OR14I1: variants seen among roughly 807,000 people sequenced by gnomAD.
The protein encoded by OR14I1 is olfactory receptor family 14 subfamily I member 1.
For synonymous variants in OR14I1, 118 were observed against 71.1 expected, an observed-to-expected ratio of 1.66 and a Z score of -3.32; for missense variants, 279 against 181.8, an observed-to-expected ratio of 1.53 and a Z score of -3.07.
the OR14I1 span, among the ~76,000 whole-genome samples, chr1:248,700,241 A>G: frequency 5.6e-3 from 858 of 152,300 alleles, 10 homozygotes; most frequent in African/African-American, 0.019. Context: ...TTCAGCTACT[A>G]TTTTTTAAAA....
the OR14I1 span, among the ~76,000 whole-genome samples, chr1:248,688,031 TG>T: frequency 6.6e-6 from 1 of 152,278 alleles, no homozygotes; most frequent in African/African-American, 2.4e-5. Context: ...AGATCATTAA[TG>T]TTTTTTTATT....
upstream of OR14I1, among the ~76,000 whole-genome samples, chr1:248,685,815 G>A (rs1417939036): frequency 1.3e-5 from 2 of 150,736 alleles, no homozygotes; most frequent in Non-Finnish European, 3.0e-5. Context: ...CATATAGTGT[G>A]TATATATAGT....
upstream of OR14I1, chr1:248,682,402 C>T (rs1199633213): frequency 5.0e-6 from 3 of 605,878 alleles, no homozygotes; most frequent in East Asian, 8.1e-5. Context: ...TAATATCCTC[C>T]TAAATTAAAT....
chr1:248,700,899 C>T, the OR14I1 span, among the ~76,000 whole-genome samples: 1 of 152,198 alleles, frequency 6.6e-6, no homozygotes, highest in African/African-American at 2.4e-5. Context: ...AAAATTTTTA[C>T]AAAGATTTAC....
chr1:248,686,370 T>A (rs937240014), upstream of OR14I1, among the ~76,000 whole-genome samples: 3 of 152,190 alleles, frequency 2.0e-5, no homozygotes, highest in African/African-American at 7.2e-5. Flanking sequence ...ATATGAAGCC[T>A]TTTTACTTCA....
the OR14I1 span, among the ~76,000 whole-genome samples, chr1:248,689,648 T>C: frequency 6.6e-6 from 1 of 152,138 alleles, no homozygotes; most frequent in African/African-American, 2.4e-5. Context: ...CACCAAATAG[T>C]TAAAAGAAAA....
chr1:248,681,528 T>A (rs1437273982), exon 1 of OR14I1: 1 of 780,882 alleles, frequency 1.3e-6, no homozygotes, highest in African/African-American at 1.7e-5. Flanking sequence ...TTGCAATTGG[T>A]CCTAAGGCAG....
the OR14I1 span, among the ~76,000 whole-genome samples, chr1:248,689,633 T>C: frequency 6.6e-6 from 1 of 152,066 alleles, no homozygotes; most frequent in Non-Finnish European, 1.5e-5. Flanking sequence ...AAATCTTACT[T>C]CTAACACCAA....
chr1:248,690,312 A>T, the OR14I1 span, among the ~76,000 whole-genome samples: 2 of 152,158 alleles, frequency 1.3e-5, no homozygotes, highest in Non-Finnish European at 2.9e-5. Flanking sequence ...AAAGACTAAC[A>T]AAATAGATAG....
the OR14I1 span, chr1:248,692,648 G>A: frequency 6.6e-6 from 1 of 152,424 alleles, no homozygotes; most frequent in African/African-American, 2.4e-5. Context: ...CACGGCTCCT[G>A]CCCTCATAAT....
chr1:248,698,055 G>T, the OR14I1 span, among the ~76,000 whole-genome samples: 2 of 152,180 alleles, frequency 1.3e-5, no homozygotes, highest in African/African-American at 4.8e-5. Flanking sequence ...GTGAGGGTTG[G>T]GTTGTTTCCA....
chr1:248,685,304 T>C (rs754385525), upstream of OR14I1, among the ~76,000 whole-genome samples: 5 of 152,208 alleles, frequency 3.3e-5, no homozygotes, highest in Non-Finnish European at 7.3e-5. Context: ...CAGAGTAACT[T>C]TTAAAACTGG....
chr1:248,695,675 T>C, the OR14I1 span, among the ~76,000 whole-genome samples: 2 of 152,154 alleles, frequency 1.3e-5, no homozygotes, highest in African/African-American at 4.8e-5. Flanking sequence ...CTGCTTCTCC[T>C]TCTCTTCATG....
the OR14I1 span, among the ~76,000 whole-genome samples, chr1:248,694,157 C>T: frequency 2.6e-5 from 4 of 152,256 alleles, no homozygotes; most frequent in South Asian, 6.2e-4. Context: ...CCACTTGTTT[C>T]CTCAAAAGTG....
the OR14I1 span, among the ~76,000 whole-genome samples, chr1:248,700,175 C>G: frequency 6.6e-6 from 1 of 152,190 alleles, no homozygotes; most frequent in African/African-American, 2.4e-5. Context: ...GCCTTGCTCC[C>G]GCATTTTTGT....
At chr1:248,699,098 A>AT in the OR14I1 span, 1 of 152,074 alleles carries the variant, frequency 6.6e-6, no homozygotes, top group African/African-American at 2.4e-5. Flanking sequence ...TTAAACCTGA[A>AT]TTTTTTTGTT....
chr1:248,685,510 C>G (rs72769066), upstream of OR14I1, among the ~76,000 whole-genome samples: 1 of 152,042 alleles, frequency 6.6e-6, no homozygotes, highest in African/African-American at 2.4e-5. Flanking sequence ...AGCTTGCTAT[C>G]GGTAGATGTA....
chr1:248,700,798 G>A, the OR14I1 span, among the ~76,000 whole-genome samples: 9 of 152,186 alleles, frequency 5.9e-5, no homozygotes, highest in East Asian at 9.6e-4. Flanking sequence ...GCCATAAATC[G>A]TCACCAGTTT....
At chr1:248,685,720 T>C (rs1176736984), upstream of OR14I1, among the ~76,000 whole-genome samples, 1 of 150,224 alleles carries the variant, frequency 6.7e-6, no homozygotes, top group Non-Finnish European at 1.5e-5. Flanking sequence ...TATACATGTA[T>C]AGTATATATA....
Sources: allele counts gnomAD v4.1 joint callset (sites outside exome capture counted in the v4.1 genomes callset), GRCh38; gene constraint gnomAD v4.1.1; transcripts MANE v1.5; gene names NCBI Gene and HGNC (gene_info 2026-07-23, HGNC 2026-07-21).